B4GALNT2: variants seen among roughly 807,000 people sequenced by gnomAD.
The protein encoded by B4GALNT2 is beta-1,4-N-acetyl-galactosaminyltransferase 2 (SID blood group), also known as N-acetylneuraminylgalactosylglucosyl-glucoside beta-1,4-N- acetylgalactosaminyltransferase 2.
B4GALNT2 carries 42 observed loss-of-function variants against 51.1 expected under a neutral mutation model. The ratio of observed to expected loss-of-function variants is 0.82; its 90% CI spans 0.64 to 1.06. The LOEUF (loss-of-function observed/expected upper bound fraction) is 1.06. B4GALNT2 is among the 50% of genes least tolerant of loss of function. The pLI is 0.00. For synonymous variants in B4GALNT2, 253 were observed against 251.7 expected, an observed-to-expected ratio of 1.01 and a Z score of -0.05; for missense variants, 602 against 633.6, an observed-to-expected ratio of 0.95 and a Z score of 0.54.
intron 9 of B4GALNT2, 41 bp downstream of exon 9, chr17:49,166,295 G>A: frequency 7.3e-7 from 1 of 1,379,024 alleles, no homozygotes; most frequent in Non-Finnish European, 9.7e-7. Flanking sequence ...ACAATCTGTA[G>A]AGATGGAGAA....
chr17:49,158,965 T>A (rs900020561), intron 5 of B4GALNT2, 72 bp from the exon 6 acceptor site: 32 of 1,519,792 alleles, frequency 2.1e-5, no homozygotes, highest in Non-Finnish European at 2.9e-5. Flanking sequence ...CTGGCCTGGG[T>A]ATGTATGTAT....
rs368123425 is a variant in B4GALNT2, at chr17:49,160,547, C to G, written c.680-8C>G. ...CTCCCTGTGCCATTATCTTATTTCT[C>G]CCTCCAGTGAGTCTGGAGTCCAGGT... On this transcript the variant is annotated splice_region_variant and splice_polypyrimidine_tract_variant and intron_variant, in intron 6 of 10. Coordinates refer to ENST00000393354, the MANE Select transcript of B4GALNT2 (RefSeq NM_001159387.2). The G allele has an allele frequency of 6.2e-7, 1 of 1,611,088 alleles. No individual in the cohort carries two copies. The highest frequency in any genetic ancestry group is 8.5e-7 in the Non-Finnish European group (1 of 1,177,212).
Position 49,142,043 on chromosome 17 carries a change from C to G in B4GALNT2, c.224C>G (p.Pro75Arg). Reference sequence around the variant, plus strand: ...CCTCTTGCTTGTTTCAGGCTGTTCCCGAAAAATCAGTGCAAATGTGAAGCC... The same window carrying G: ...CCTCTTGCTTGTTTCAGGCTGTTCCGGAAAAATCAGTGCAAATGTGAAGCC... ...LFSYDGIWLF[P>R]KNQCKCEANK... The change falls in exon 3 of 11, where the codon CCG (proline) becomes CGG (arginine). Residue 75 changes from proline (P) to arginine (R), a missense_variant. Transcript: ENST00000393354. 6.2e-7 allele frequency: 1 copy of G among 1,614,036 alleles called. No homozygotes were observed. Among genetic ancestry groups the G allele is most frequent in the Non-Finnish European group, 8.5e-7 (1 of 1,180,018 alleles).
At chr17:49,165,337 C>T (rs1300822020) in intron 8 of B4GALNT2, among the ~76,000 whole-genome samples, 1 of 147,106 alleles carries the variant, frequency 6.8e-6, no homozygotes, top group East Asian at 2.1e-4. Flanking sequence ...TCCCTCTCTT[C>T]TTCCCACCTT....
At chr17:49,134,616 C>G (rs2042573863) in intron 1 of B4GALNT2, among the ~76,000 whole-genome samples, 1 of 151,900 alleles carries the variant, frequency 6.6e-6, no homozygotes, top group Non-Finnish European at 1.5e-5. Context: ...TAGACAGAGT[C>G]TAGCTCTGTG....
chr17:49,157,268 C>T (rs1567863268), intron 5 of B4GALNT2, among the ~76,000 whole-genome samples: 1 of 152,130 alleles, frequency 6.6e-6, no homozygotes, highest in Non-Finnish European at 1.5e-5. Context: ...TCAAGCAATC[C>T]TCCCGCATCA....
At chr17:49,127,681 G>A (rs1326267147), upstream of B4GALNT2, among the ~76,000 whole-genome samples, 1 of 152,128 alleles carries the variant, frequency 6.6e-6, no homozygotes, top group African/African-American at 2.4e-5. Flanking sequence ...TTCTGGTGAG[G>A]CCCTTTAAAA....
At chr17:49,136,228 A>G (rs2042588956) in intron 1 of B4GALNT2, among the ~76,000 whole-genome samples, 1 of 151,430 alleles carries the variant, frequency 6.6e-6, no homozygotes, top group Non-Finnish European at 1.5e-5. Context: ...CAATCTATTC[A>G]TATATATATT....
At chr17:49,125,686 C>T in the B4GALNT2 span, among the ~76,000 whole-genome samples, 1 of 116,478 alleles carries the variant, frequency 8.6e-6, no homozygotes, top group South Asian at 2.7e-4. Flanking sequence ...TGTGGCCGCC[C>T]CGTCTGGGAG....
intron 3 of B4GALNT2, among the ~76,000 whole-genome samples, chr17:49,150,336 C>T (rs1341244285): frequency 6.6e-6 from 1 of 151,462 alleles, no homozygotes; most frequent in African/African-American, 2.4e-5. Context: ...CAGCCCCGTC[C>T]GGGAGGTGAG....
intron 3 of B4GALNT2, among the ~76,000 whole-genome samples, chr17:49,150,684 C>T (rs1167779165): frequency 1.3e-5 from 2 of 151,142 alleles, no homozygotes; most frequent in Non-Finnish European, 2.9e-5. Flanking sequence ...GGATTAAGGG[C>T]GGTGCAAGAT....
rs2144348735 is a variant in B4GALNT2, at chr17:49,170,231, T to G, written c.*503T>G. On this transcript the variant is annotated 3_prime_UTR_variant, in exon 11 of 11. Coordinates refer to ENST00000393354, the MANE Select transcript of B4GALNT2 (RefSeq NM_001159387.2). ...GAGGAGGTTTGCAGCCTGGTTCAGT[T>G]CAGTCCAATCACAGAATTAGGCAGC... The G allele has an allele frequency of 6.5e-6, 1 of 152,864 alleles. No individual in the cohort carries two copies. The highest frequency in any genetic ancestry group is 1.9e-4 in the East Asian group (1 of 5,184). The allele number at this position is 152,864 out of a possible 1,614,324, so 9.5% of individuals were successfully genotyped here.
At chr17:49,148,637 A>G (rs932200008) in intron 3 of B4GALNT2, 8 of 554,318 alleles carry the variant, frequency 1.4e-5, no homozygotes, top group Non-Finnish European at 2.7e-5. Flanking sequence ...GTTCCTGCAC[A>G]AAGCCTCCGG....
the B4GALNT2 span, among the ~76,000 whole-genome samples, chr17:49,122,312 CT>C: frequency 6.6e-5 from 10 of 152,140 alleles, no homozygotes; most frequent in Non-Finnish European, 1.5e-5. Flanking sequence ...AATCCAGACC[CT>C]ATAGTTATAA....
intron 1 of B4GALNT2, 134 bp downstream of exon 1, chr17:49,132,940 GAGTCTT>G (rs745967456): frequency 3.3e-5 from 46 of 1,385,454 alleles, no homozygotes; most frequent in Non-Finnish European, 4.2e-5. Flanking sequence ...CGGGCGGTTG[GAGTCTT>G]AAGTCCAACC....
chr17:49,125,677 GTGGC>G, the B4GALNT2 span, among the ~76,000 whole-genome samples: 2 of 126,480 alleles, frequency 1.6e-5, no homozygotes, highest in African/African-American at 2.9e-5. Flanking sequence ...TCTCCGCCCT[GTGGC>G]CGCCCCGTCT....
chr17:49,169,143 C>G (rs1330345537), intron 10 of B4GALNT2, among the ~76,000 whole-genome samples: 1 of 152,104 alleles, frequency 6.6e-6, no homozygotes, highest in Non-Finnish European at 1.5e-5. Context: ...CCCTTCCTTT[C>G]CCTACAGCTC....
At chr17:49,133,729 A>G (rs944317951) in intron 1 of B4GALNT2, among the ~76,000 whole-genome samples, 5 of 152,108 alleles carry the variant, frequency 3.3e-5, no homozygotes, top group African/African-American at 1.2e-4. Context: ...CCTGGCCAAC[A>G]TGGTGAAACC....
At chr17:49,153,011 C>A in intron 4 of B4GALNT2, 105 bp downstream of exon 4, 1 of 986,038 alleles carries the variant, frequency 1.0e-6, no homozygotes, top group Non-Finnish European at 1.5e-6. Flanking sequence ...AATTCCAGCA[C>A]TTTGGGAGTC....
Sources: gnomAD v4.1 joint callset for allele counts (sites outside exome capture counted in the v4.1 genomes callset) on GRCh38, gnomAD v4.1.1 for gene constraint, MANE v1.5 for transcripts, NCBI Gene and HGNC (gene_info 2026-07-23, HGNC 2026-07-21) for gene names.